Variants in SHROOM4 observed in about 807,000 individuals in gnomAD.
The protein encoded by SHROOM4 is shroom family member 4.
Under a neutral mutation model 80.3 loss-of-function variants are expected in SHROOM4, and 17 were observed. That is an observed-to-expected ratio of 0.21 (90% CI 0.14 to 0.32). The LOEUF (loss-of-function observed/expected upper bound fraction) is 0.32. Among genes scored for constraint, SHROOM4 ranks in the 10% least tolerant of loss-of-function variants. The probability of loss-of-function intolerance (pLI) is 1.00; values close to 1 mark genes in which losing one functional copy is unlikely to be tolerated. For synonymous variants in SHROOM4, 400 were observed against 437.5 expected, an observed-to-expected ratio of 0.91 and a Z score of 1.07; for missense variants, 993 against 1,140.3, an observed-to-expected ratio of 0.87 and a Z score of 1.86.
chrX:50,636,485 A>G (rs1557256144), intron 3 of SHROOM4, among the ~76,000 whole-genome samples: 2 of 110,808 alleles, frequency 1.8e-5, no homozygotes, highest in Admixed American at 1.9e-4. Flanking sequence ...GCTGAAGAGG[A>G]CAGATCTTTT....
rs146133377 is a variant in SHROOM4 at position 50,633,947 on chromosome X, G to A, written c.2126C>T (p.Ser709Phe). 15 of 1,210,235 alleles carry A rather than the reference G, an allele frequency of 1.2e-5. No individual in the cohort carries two copies. In the Admixed American group the frequency reaches 2.0e-4, roughly 16 times the overall value. ...NTWWKAPDPSSSDPEKAHAHC... is the reference protein window; with the variant it reads ...NTWWKAPDPSFSDPEKAHAHC... ...AGCATGTGCTTTCTCAGGGTCTGAGGAGGATGGGTCAGGTGCTTTCCACCA... is the reference window on the plus strand; with the variant it reads ...AGCATGTGCTTTCTCAGGGTCTGAGAAGGATGGGTCAGGTGCTTTCCACCA... Residue 709 changes from serine (S) to phenylalanine (F), a missense_variant, in exon 4 of 9, where the codon TCC becomes TTC. Coordinates refer to ENST00000376020, the MANE Select transcript of SHROOM4 (RefSeq NM_020717.5).
intron 1 of SHROOM4, among the ~76,000 whole-genome samples, chrX:50,743,896 AT>A (rs1244888306): frequency 9.0e-6 from 1 of 111,206 alleles, no homozygotes; most frequent in Non-Finnish European, 1.9e-5. Context: ...ATATTGGTTG[AT>A]TTTTTTTCTT....
chrX:50,667,367 T>TTAAA (rs1389533956), intron 2 of SHROOM4, among the ~76,000 whole-genome samples: 1 of 111,730 alleles, frequency 9.0e-6, no homozygotes, highest in East Asian at 2.8e-4. Flanking sequence ...ATATTGGGTT[T>TTAAA]TAAATAAATA....
At chrX:50,769,987 AAAG>A (rs1394607314) in intron 1 of SHROOM4, among the ~76,000 whole-genome samples, 3 of 110,285 alleles carry the variant, frequency 2.7e-5, no homozygotes, top group African/African-American at 6.6e-5. Context: ...GGGGGAATAA[AAAG>A]AAGATGTTTA....
Position 50,715,885 on chromosome X carries a change from T to G in SHROOM4, c.118-19948A>C, listed in dbSNP as rs1188402449. On this transcript the variant is annotated intron_variant, in intron 1 of 8. Transcript: ENST00000376020. ...TATTCCAAAAAAAAAAAAAAGGAAA[T>G]CAGTATCTTGAAGAGATATCTGCAC... 5.6e-5 allele frequency among the ~76,000 whole-genome samples: 6 copies of G among 107,352 alleles called. No individual in the cohort carries two copies. In the Admixed American group the frequency reaches 6.0e-4, roughly 11 times the overall value. The allele number at this position is 107,352 out of a possible 115,157, so 93.2% of individuals were successfully genotyped here. A position where few individuals can be genotyped will look rare whatever the true frequency, so the allele number is the denominator to read the frequency against.
chrX:50,577,640 T>C, the SHROOM4 span, among the ~76,000 whole-genome samples: 1 of 112,116 alleles, frequency 8.9e-6, no homozygotes, highest in Non-Finnish European at 1.9e-5. Flanking sequence ...AGGAAAGCTT[T>C]AAAAGTTTTG....
chrX:50,705,977 C>T (rs191229088), intron 1 of SHROOM4, among the ~76,000 whole-genome samples: 1,884 of 90,555 alleles, frequency 0.021, 28 homozygotes, highest in African/African-American at 0.045. Flanking sequence ...TTTCCCACAA[C>T]CTCTCATCCT....
intron 1 of SHROOM4, among the ~76,000 whole-genome samples, chrX:50,706,123 C>T (rs1906298532): frequency 9.0e-6 from 1 of 110,781 alleles, no homozygotes; most frequent in Non-Finnish European, 1.9e-5. Flanking sequence ...CTGTTGAGAA[C>T]ATTCTTCTTC....
At chrX:50,619,714 C>T (rs1930496111) in intron 5 of SHROOM4, among the ~76,000 whole-genome samples, 2 of 111,934 alleles carry the variant, frequency 1.8e-5, no homozygotes, top group Admixed American at 9.5e-5. Flanking sequence ...TCAAGTAATA[C>T]ATACATATGC....
Position 50,606,796 on chromosome X carries a change from G to A in SHROOM4, c.3761+585C>T, listed in dbSNP as rs567394688. On this transcript the variant is annotated intron_variant, in intron 6 of 8. Coordinates refer to ENST00000376020, the MANE Select transcript of SHROOM4 (RefSeq NM_020717.5). ...ACAAGGAGGGGGAGAAAGTGGAAGAGAAAAAGAATGTCCTTATCTATTGTA... is the reference window on the plus strand; with the variant it reads ...ACAAGGAGGGGGAGAAAGTGGAAGAAAAAAAGAATGTCCTTATCTATTGTA... Among the ~76,000 whole-genome samples the A allele has an allele frequency of 2.1e-4, 23 of 110,385 alleles. No homozygotes were observed. In the South Asian group the frequency reaches 9.3e-3, roughly 44 times the overall value.
intron 6 of SHROOM4, among the ~76,000 whole-genome samples, chrX:50,606,215 A>G (rs1213128573): frequency 2.9e-5 from 3 of 104,874 alleles, no homozygotes; most frequent in East Asian, 3.0e-4. Context: ...ATGTCTCCCA[A>G]TGCTATCCCT....
In SHROOM4 at chrX:50,661,126, T is replaced by C. The variant is rs782658128; in HGVS notation, c.270-22818A>G. Reference sequence around the variant, plus strand: ...TTTCTTTGGATTTTATTTTTGTATTTTTCGGGTGCTTTAAATTTCAACTTT... The same window carrying C: ...TTTCTTTGGATTTTATTTTTGTATTCTTCGGGTGCTTTAAATTTCAACTTT... On this transcript the variant is annotated intron_variant, in intron 2 of 8. Transcript: ENST00000376020. Among the ~76,000 whole-genome samples, 3 of 111,748 alleles carry C rather than the reference T, an allele frequency of 2.7e-5. No individual in the cohort carries two copies. In the East Asian group the frequency reaches 8.4e-4, roughly 31 times the overall value.
chrX:50,621,524 T>G (rs1930572832), intron 5 of SHROOM4, among the ~76,000 whole-genome samples: 1 of 112,156 alleles, frequency 8.9e-6, no homozygotes, highest in Admixed American at 9.5e-5. Flanking sequence ...CACATTAAAT[T>G]TAGGGAGAAT....
chrX:50,705,791 C>T lies in SHROOM4; in HGVS notation c.118-9854G>A, dbSNP rs139766850. Among the ~76,000 whole-genome samples the T allele has an allele frequency of 4.4e-3, 483 of 110,744 alleles. 4 individuals are homozygous for T. The highest frequency in any genetic ancestry group is 0.016 in the African/African-American group (474 of 30,440). Reference sequence around the variant, plus strand: ...CTTCCCCTTCTGCCCCCCTACTCCACACCCAGACCCTCTCCTTGGGTTTCC... The same window carrying T: ...CTTCCCCTTCTGCCCCCCTACTCCATACCCAGACCCTCTCCTTGGGTTTCC... On this transcript the variant is annotated intron_variant, in intron 1 of 8. Transcript: ENST00000376020.
At chrX:50,625,941 A>G (rs1930781600) in intron 5 of SHROOM4, among the ~76,000 whole-genome samples, 1 of 112,177 alleles carries the variant, frequency 8.9e-6, no homozygotes, top group Non-Finnish European at 1.9e-5. Context: ...CTCATTACAG[A>G]TAACATTTCC....
chrX:50,813,179 G>GGCGGCGGCA (rs1209489002), intron 1 of SHROOM4, among the ~76,000 whole-genome samples: 27 of 109,660 alleles, frequency 2.5e-4, no homozygotes, highest in Middle Eastern at 4.7e-3. Flanking sequence ...CGGCGGCGGC[G>GGCGGCGGCA]GCGGCGGCAG....
rs1602347796 is a variant in SHROOM4, at chrX:50,594,433, G to C, written c.*2262C>G. ...TAACTCTAGAAACTAATTTGAGATG[G>C]GATTAAGAACAAAAATAACAGAGTT... On this transcript the variant is annotated 3_prime_UTR_variant, in exon 9 of 9. Transcript: ENST00000376020. The C allele has an allele frequency of 8.9e-6, 1 of 111,776 alleles. No individual in the cohort carries two copies. The highest frequency in any genetic ancestry group is 2.8e-4 in the East Asian group (1 of 3,570). 9.2% of individuals were successfully genotyped at this position (111,776 alleles called of 1,213,427 possible). A position where few individuals can be genotyped will look rare whatever the true frequency, so the allele number is the denominator to read the frequency against.
chrX:50,669,969 C>T (rs910586334), intron 2 of SHROOM4, among the ~76,000 whole-genome samples: 9 of 111,673 alleles, frequency 8.1e-5, no homozygotes, highest in Non-Finnish European at 1.5e-4. Context: ...ATATTTTGAT[C>T]TCCTCCCTTG....
intron 2 of SHROOM4, among the ~76,000 whole-genome samples, chrX:50,655,983 T>C (rs1416673100): frequency 8.9e-6 from 1 of 111,902 alleles, no homozygotes; most frequent in Admixed American, 9.5e-5. Context: ...ACTGTGGTTT[T>C]GATTTGCATT....
Sources: allele counts gnomAD v4.1 joint callset (sites outside exome capture counted in the v4.1 genomes callset), GRCh38; gene constraint gnomAD v4.1.1; transcripts MANE v1.5; gene names NCBI Gene and HGNC (gene_info 2026-07-23, HGNC 2026-07-21).